Variants in CTNNA3 observed in about 807,000 individuals in gnomAD.
CTNNA3 encodes the protein catenin alpha-3.
Under a neutral mutation model 95.7 loss-of-function variants are expected in CTNNA3, and 76 were observed. That is an observed-to-expected ratio of 0.79 (90% confidence interval 0.66 to 0.96). The LOEUF is 0.96. CTNNA3 is among the 40% of genes least tolerant of loss of function. The pLI is 0.00. For synonymous variants in CTNNA3, 431 were observed against 374.4 expected, an observed-to-expected ratio of 1.15 and a Z score of -1.74; for missense variants, 1,191 against 1,089.8, an observed-to-expected ratio of 1.09 and a Z score of -1.31.
At chr10:66,084,151 A>AG (rs1381107102) in intron 14 of CTNNA3, among the ~76,000 whole-genome samples, 7 of 136,382 alleles carry the variant, frequency 5.1e-5, no homozygotes, top group South Asian at 5.2e-4. Context: ...AAAAAAAGAA[A>AG]AAAAAAGAAA....
chr10:65,983,897 A>G (rs1160852916), intron 16 of CTNNA3, among the ~76,000 whole-genome samples: 1 of 151,310 alleles, frequency 6.6e-6, no homozygotes, highest in Non-Finnish European at 1.5e-5. Flanking sequence ...ATAAAAATGA[A>G]AAGGCCAAGC....
intron 15 of CTNNA3, among the ~76,000 whole-genome samples, chr10:66,054,654 T>C (rs1371422268): frequency 2.0e-5 from 3 of 152,188 alleles, no homozygotes; most frequent in African/African-American, 7.2e-5. Flanking sequence ...GCAAATATTT[T>C]TTTCCATCCC....
chr10:66,743,739 A>T (rs1849404648), intron 9 of CTNNA3, among the ~76,000 whole-genome samples: 1 of 152,080 alleles, frequency 6.6e-6, no homozygotes. Context: ...GCACTTTGGA[A>T]GGCCAAGGCG....
At chr10:67,609,833 G>GC (rs1476634372) in intron 2 of CTNNA3, among the ~76,000 whole-genome samples, 2 of 151,938 alleles carry the variant, frequency 1.3e-5, no homozygotes, top group Non-Finnish European at 2.9e-5. Context: ...TGCTCTTGGG[G>GC]CCCCCCATGC....
rs1417713676 is a variant in CTNNA3 at position 66,331,338 on chromosome 10, G to GCTTGCTTTTTTTTTT, written c.1732+47813_1732+47814insAAAAAAAAAAGCAAG. 9.2e-3 allele frequency among the ~76,000 whole-genome samples: 358 copies of GCTTGCTTTTTTTTTT among 39,088 alleles called. 58 individuals carry two copies. The highest frequency in any genetic ancestry group is 0.015 in the African/African-American group (209 of 13,972). 25.6% of individuals were successfully genotyped at this position (39,088 alleles called of 152,430 possible). On this transcript the variant is annotated intron_variant, in intron 12 of 17. Coordinates refer to ENST00000433211, the MANE Select transcript of CTNNA3 (RefSeq NM_013266.4). ...TTAAATATGGACTCCTTTCCCCATT[G>GCTTGCTTTTTTTTTT]TTTGTTTTTTTTTTTTTTTTTTTTT...
At chr10:67,562,438 AC>A (rs1221720604) in intron 3 of CTNNA3, among the ~76,000 whole-genome samples, 1 of 152,062 alleles carries the variant, frequency 6.6e-6, no homozygotes, top group East Asian at 1.9e-4. Flanking sequence ...AAATTCAACA[AC>A]CCTTCATGCT....
intron 5 of CTNNA3, among the ~76,000 whole-genome samples, chr10:67,388,936 G>C (rs1280046418): frequency 6.6e-6 from 1 of 152,148 alleles, no homozygotes; most frequent in African/African-American, 2.4e-5. Flanking sequence ...GGAACAACCA[G>C]TACCAGCCGC....
chr10:66,310,184 T>C (rs2091999058), intron 12 of CTNNA3, among the ~76,000 whole-genome samples: 1 of 151,998 alleles, frequency 6.6e-6, no homozygotes, highest in Non-Finnish European at 1.5e-5. Flanking sequence ...AATTTTTACA[T>C]TTTTTTCTTG....
chr10:67,760,076 C>T (rs1283418480), intron 1 of CTNNA3, among the ~76,000 whole-genome samples: 1 of 152,202 alleles, frequency 6.6e-6, no homozygotes, highest in East Asian at 1.9e-4. Flanking sequence ...ATACAAGTCA[C>T]ATGCCCATTC....
At chr10:66,344,721 G>A (rs2092488559) in intron 12 of CTNNA3, among the ~76,000 whole-genome samples, 1 of 152,050 alleles carries the variant, frequency 6.6e-6, no homozygotes, top group African/African-American at 2.4e-5. Context: ...GAAAGTTTAT[G>A]ATTTCTATAG....
chr10:67,400,759 T>G (rs923047073), intron 5 of CTNNA3, among the ~76,000 whole-genome samples: 2 of 152,200 alleles, frequency 1.3e-5, no homozygotes, highest in African/African-American at 4.8e-5. Flanking sequence ...AATATGTAAT[T>G]TAATGTCTTA....
chr10:67,289,902 G>A lies in CTNNA3; in HGVS notation c.580-70032C>T, dbSNP rs545520391. On this transcript the variant is annotated intron_variant, in intron 5 of 17. Coordinates refer to ENST00000433211, the MANE Select transcript of CTNNA3 (RefSeq NM_013266.4). The stretch of plus-strand genomic sequence containing the variant: ...GAAGCCTCAAACTCCTGGGTTCAAG[G>A]GATCTTCCCACCTCAGCCTCCCAAC... Among the ~76,000 whole-genome samples the A allele has an allele frequency of 1.4e-4, 22 of 151,828 alleles. No individual in the cohort carries two copies. The South Asian group carries it at 4.4e-3, about 30-fold the overall frequency.
intron 15 of CTNNA3, among the ~76,000 whole-genome samples, chr10:66,000,364 G>GA (rs2078747355): frequency 6.6e-6 from 1 of 152,092 alleles, no homozygotes; most frequent in African/African-American, 2.4e-5. Context: ...CAGGTGATCA[G>GA]AAACAGGTCA....
intron 7 of CTNNA3, among the ~76,000 whole-genome samples, chr10:66,807,018 A>G (rs1203489671): frequency 6.6e-6 from 1 of 151,982 alleles, no homozygotes; most frequent in African/African-American, 2.4e-5. Context: ...AAAATGACAA[A>G]CGCTAATCAA....
chr10:67,078,446 C>T (rs572026551), intron 7 of CTNNA3, among the ~76,000 whole-genome samples: 2 of 152,076 alleles, frequency 1.3e-5, no homozygotes, highest in South Asian at 4.2e-4. Flanking sequence ...AATGTTACTC[C>T]CCTTAAATTA....
At chr10:66,926,878 C>CT (rs1358236514) in intron 7 of CTNNA3, 4 of 1,505,366 alleles carry the variant, frequency 2.7e-6, no homozygotes, top group East Asian at 2.3e-5. Flanking sequence ...AGGATTAATT[C>CT]TTTTTTGGGG....
chr10:66,645,128 A>G (rs970922838), intron 9 of CTNNA3, among the ~76,000 whole-genome samples: 4 of 152,048 alleles, frequency 2.6e-5, no homozygotes, highest in Non-Finnish European at 5.9e-5. Context: ...GTATATATGT[A>G]CAATACAAAT....
At chr10:67,739,607 G>A (rs1428409069) in intron 1 of CTNNA3, among the ~76,000 whole-genome samples, 4 of 151,734 alleles carry the variant, frequency 2.6e-5, no homozygotes, top group African/African-American at 9.7e-5. Flanking sequence ...CAAGGGACGT[G>A]AAGGACCTCT....
chr10:65,999,565 G>T (rs2078730854), intron 15 of CTNNA3, among the ~76,000 whole-genome samples: 2 of 152,254 alleles, frequency 1.3e-5, no homozygotes, highest in East Asian at 1.9e-4. Context: ...TTAATTAAAT[G>T]TATTGCCTGG....
Sources: gnomAD v4.1 joint callset for allele counts (sites outside exome capture counted in the v4.1 genomes callset) on GRCh38, gnomAD v4.1.1 for gene constraint, MANE v1.5 for transcripts, NCBI Gene and HGNC (gene_info 2026-07-23, HGNC 2026-07-21) for gene names.